TASP1: variants seen among roughly 807,000 people sequenced by gnomAD.
TASP1 encodes taspase 1.
In TASP1, 16 loss-of-function variants were observed where a neutral mutation model predicts 56.6. That is an observed-to-expected ratio of 0.28 (90% confidence interval 0.19 to 0.43). The LOEUF is 0.43. Ranked by LOEUF, TASP1 falls within the 20% of genes least tolerant of loss-of-function variation. The pLI is 1.00. For synonymous variants in TASP1, 179 were observed against 184.2 expected (o/e 0.97, Z 0.23); for missense variants, 393 against 511.6 (o/e 0.77, Z 2.24).
At chr20:13,555,302 T>G (rs2046118015) in intron 8 of TASP1, among the ~76,000 whole-genome samples, 1 of 146,048 alleles carries the variant, frequency 6.8e-6, no homozygotes, top group African/African-American at 2.5e-5. Flanking sequence ...GAGAATTGCT[T>G]GAACCTGTGA....
At chr20:13,379,570 A>G in the TASP1 span, among the ~76,000 whole-genome samples, 1 of 151,764 alleles carries the variant, frequency 6.6e-6, no homozygotes, top group Non-Finnish European at 1.5e-5. Context: ...TCCTCTTCTC[A>G]AGGAGTATCT....
the TASP1 span, among the ~76,000 whole-genome samples, chr20:13,240,722 CAAT>C: frequency 1.3e-5 from 2 of 152,096 alleles, no homozygotes; most frequent in Non-Finnish European, 2.9e-5. Context: ...GAAAATTTCA[CAAT>C]AATTCAGGTA....
the TASP1 span, among the ~76,000 whole-genome samples, chr20:13,189,759 A>G: frequency 6.6e-6 from 1 of 152,180 alleles, no homozygotes; most frequent in African/African-American, 2.4e-5. Context: ...TCAAAGAACT[A>G]AAAATAGAGT....
chr20:13,447,798 C>G (rs2043465399), intron 11 of TASP1, among the ~76,000 whole-genome samples: 1 of 151,984 alleles, frequency 6.6e-6, no homozygotes, highest in South Asian at 2.1e-4. Context: ...TGAAAATTTC[C>G]TTCATCCAGA....
the TASP1 span, among the ~76,000 whole-genome samples, chr20:13,206,562 TG>T: frequency 1.3e-5 from 2 of 152,170 alleles, no homozygotes; most frequent in East Asian, 3.9e-4. Context: ...CAGTGCAGGT[TG>T]GTGAGACAGG....
chr20:13,427,486 G>T lies in TASP1; in HGVS notation c.1096+7558C>A, dbSNP rs114776799. ...TCAGGTAATTATGTGAGAACATGCG[G>T]AAATTTTCATATAATAAATCATATA... On this transcript the variant is annotated intron_variant, in intron 12 of 13. Coordinates refer to ENST00000337743, the MANE Select transcript of TASP1 (RefSeq NM_017714.3). Among the ~76,000 whole-genome samples the T allele has an allele frequency of 4.9e-3, 751 of 152,234 alleles. 4 individuals carry two copies. The highest frequency in any genetic ancestry group is 0.015 in the African/African-American group (610 of 41,538).
intron 8 of TASP1, among the ~76,000 whole-genome samples, chr20:13,547,997 AGAAG>A (rs1186842601): frequency 1.3e-5 from 2 of 152,094 alleles, no homozygotes; most frequent in Non-Finnish European, 2.9e-5. Context: ...AAGAGAGAGA[AGAAG>A]GAAGGAGACA....
chr20:13,128,176 T>C, the TASP1 span, among the ~76,000 whole-genome samples: 1 of 152,262 alleles, frequency 6.6e-6, no homozygotes, highest in South Asian at 2.1e-4. Flanking sequence ...GTATAATTGC[T>C]TGCTACTATT....
At chr20:13,322,653 TACAG>T in the TASP1 span, among the ~76,000 whole-genome samples, 2 of 152,174 alleles carry the variant, frequency 1.3e-5, no homozygotes, top group South Asian at 2.1e-4. Context: ...GACCCAGTGA[TACAG>T]ACAGACAGAC....
At chr20:13,417,743 T>TTA (rs1377561953) in intron 12 of TASP1, among the ~76,000 whole-genome samples, 4 of 152,234 alleles carry the variant, frequency 2.6e-5, no homozygotes, top group Admixed American at 2.6e-4. Flanking sequence ...AAAGTTATGA[T>TTA]TATTACATGT....
At chr20:13,478,426 T>C (rs2043020922) in intron 11 of TASP1, among the ~76,000 whole-genome samples, 1 of 151,888 alleles carries the variant, frequency 6.6e-6, no homozygotes, top group Admixed American at 6.6e-5. Context: ...TGAAGCAACA[T>C]GGATGGAGCT....
the TASP1 span, among the ~76,000 whole-genome samples, chr20:13,367,872 T>TA: frequency 4.5e-4 from 68 of 152,094 alleles, no homozygotes; most frequent in African/African-American, 1.6e-3. Context: ...ATGAAAAACT[T>TA]AAAAACAAGG....
At chr20:13,305,344 C>G in the TASP1 span, among the ~76,000 whole-genome samples, 1 of 152,126 alleles carries the variant, frequency 6.6e-6, no homozygotes, top group African/African-American at 2.4e-5. Flanking sequence ...CCGTACTACT[C>G]TGAGGACCAC....
At chr20:13,576,874 TTC>T (rs1356890135) in intron 6 of TASP1, among the ~76,000 whole-genome samples, 1 of 152,190 alleles carries the variant, frequency 6.6e-6, no homozygotes, top group African/African-American at 2.4e-5. Flanking sequence ...CCCATATGTT[TTC>T]TCTTTGTAAA....
intron 10 of TASP1, among the ~76,000 whole-genome samples, chr20:13,498,329 TTTTGTGTGTGTGTG>T (rs1371856396): frequency 5.8e-4 from 67 of 116,042 alleles, no homozygotes; most frequent in African/African-American, 2.0e-3. Context: ...TTTTCTTTTC[TTTTGTGTGTGTGTG>T]TGTGTGTGTG....
chr20:13,492,710 A>C (rs1057388772), intron 10 of TASP1, among the ~76,000 whole-genome samples: 14 of 152,242 alleles, frequency 9.2e-5, no homozygotes, highest in Non-Finnish European at 1.9e-4. Context: ...TCTGTAATCC[A>C]CAACTTGTCT....
chr20:13,229,842 C>T, the TASP1 span, among the ~76,000 whole-genome samples: 2 of 152,168 alleles, frequency 1.3e-5, no homozygotes, highest in African/African-American at 2.4e-5. Flanking sequence ...CCCTCTCTCT[C>T]TTCTGTTGGC....
intron 13 of TASP1, among the ~76,000 whole-genome samples, chr20:13,415,781 G>A (rs886309523): frequency 5.9e-5 from 9 of 152,080 alleles, no homozygotes; most frequent in African/African-American, 2.2e-4. Context: ...TCCACACAAG[G>A]GACTTAATAA....
At chr20:13,511,597 G>GT (rs1216895430) in intron 10 of TASP1, among the ~76,000 whole-genome samples, 2 of 151,534 alleles carry the variant, frequency 1.3e-5, no homozygotes, top group African/African-American at 2.4e-5. Flanking sequence ...GAAGTTCCGG[G>GT]TTTTTTTATT....
Sources: gnomAD v4.1 joint callset for allele counts (sites outside exome capture counted in the v4.1 genomes callset) on GRCh38, gnomAD v4.1.1 for gene constraint, MANE v1.5 for transcripts, NCBI Gene and HGNC (gene_info 2026-07-23, HGNC 2026-07-21) for gene names.